PACRG: variants seen among roughly 807,000 people sequenced by gnomAD.
PACRG encodes the protein parkin coregulated, also known as parkin coregulated gene protein.
Under a neutral mutation model 29.7 loss-of-function variants are expected in PACRG, and 29 were observed. The observed-to-expected ratio is 0.98, with a 90% confidence interval of 0.73 to 1.33. The LOEUF is 1.33. Among genes scored for constraint, PACRG ranks in the 40% most tolerant of loss-of-function variants. The pLI, the probability that PACRG is intolerant of heterozygous loss-of-function variation, is 0.00. For missense variants in PACRG, 279 were observed against 316.2 expected (o/e 0.88, Z 0.89); for synonymous variants, 116 against 118.7 (o/e 0.98, Z 0.15).
At chr6:162,960,796 A>G (rs759914748) in intron 2 of PACRG, among the ~76,000 whole-genome samples, 4 of 140,332 alleles carry the variant, frequency 2.9e-5, no homozygotes, top group African/African-American at 5.1e-5. Flanking sequence ...AGACCCAGCT[A>G]GATCCAGAGA....
intron 2 of PACRG, among the ~76,000 whole-genome samples, chr6:162,851,740 TATTG>T (rs1228868063): frequency 2.6e-5 from 4 of 152,100 alleles, no homozygotes; most frequent in African/African-American, 4.8e-5. Flanking sequence ...TGAAAATTAT[TATTG>T]ATTATTATAT....
chr6:163,108,613 T>C (rs1333841645), intron 4 of PACRG, among the ~76,000 whole-genome samples: 1 of 151,928 alleles, frequency 6.6e-6, no homozygotes, highest in Non-Finnish European at 1.5e-5. Context: ...GGTCTCGAAC[T>C]CCTGGCCTCA....
intron 4 of PACRG, among the ~76,000 whole-genome samples, chr6:163,159,569 A>G (rs1460964248): frequency 6.6e-6 from 1 of 151,724 alleles, no homozygotes; most frequent in Non-Finnish European, 1.5e-5. Context: ...ATTTTTTTCT[A>G]CCTTCCTCAG....
chr6:162,994,523 G>C (rs1472508917), intron 2 of PACRG, among the ~76,000 whole-genome samples: 1 of 151,780 alleles, frequency 6.6e-6, no homozygotes, highest in Non-Finnish European at 1.5e-5. Context: ...CTTTCTTCCA[G>C]TTGATCGCAT....
At chr6:162,852,005 GAGGAAGGAAGGAAGGAAGGA>G (rs749750362) in intron 2 of PACRG, among the ~76,000 whole-genome samples, 1 of 116,032 alleles carries the variant, frequency 8.6e-6, no homozygotes, top group Admixed American at 9.2e-5. Flanking sequence ...GGGAGGGAGG[GAGGAAGGAAGGAAGGAAGGA>G]AGGAAGGAAG....
chr6:163,059,815 A>G (rs1810943136), intron 2 of PACRG, among the ~76,000 whole-genome samples: 1 of 152,236 alleles, frequency 6.6e-6, no homozygotes, highest in Admixed American at 6.5e-5. Context: ...GTCTGGCATC[A>G]CAAACATTGG....
At chr6:162,877,256 T>TA (rs1255334909) in intron 2 of PACRG, among the ~76,000 whole-genome samples, 5 of 152,006 alleles carry the variant, frequency 3.3e-5, no homozygotes, top group African/African-American at 1.2e-4. Context: ...TATGCAGCCA[T>TA]AAAAAAGAAT....
At position 163,005,662 on chromosome 6, in the gene PACRG, T is replaced by G. The variant is rs115701881; in HGVS notation, c.292-56488T>G. ...TGTAACTTGAATTATATTAAATTTA[T>G]TTGTTTACAAATGTATTTGTTTATC... On this transcript the variant is annotated intron_variant, in intron 2 of 4. Transcript: ENST00000366888. Among the ~76,000 whole-genome samples the G allele has an allele frequency of 4.2e-3, 623 of 148,970 alleles. 3 individuals are homozygous for G. Among genetic ancestry groups the G allele is most frequent in the African/African-American group, 0.015 (596 of 38,878 alleles).
chr6:162,836,479 G>A (rs1789234146), intron 2 of PACRG, among the ~76,000 whole-genome samples: 1 of 152,014 alleles, frequency 6.6e-6, no homozygotes, highest in Non-Finnish European at 1.5e-5. Context: ...TGCCTTCCAT[G>A]ATCGCTCAAG....
At chr6:163,240,771 G>A (rs1160001151) in intron 4 of PACRG, among the ~76,000 whole-genome samples, 1 of 152,196 alleles carries the variant, frequency 6.6e-6, no homozygotes, top group Non-Finnish European at 1.5e-5. Context: ...CTGCCCTGTG[G>A]AGGGAACGTG....
At chr6:163,250,102 A>G (rs116641721) in intron 4 of PACRG, among the ~76,000 whole-genome samples, 281 of 152,364 alleles carry the variant, frequency 1.8e-3, no homozygotes, top group African/African-American at 6.6e-3. Context: ...TGATCATCAC[A>G]TTGTCCATTG....
chr6:163,026,908 G>C (rs1227629802), intron 2 of PACRG, among the ~76,000 whole-genome samples: 4 of 152,194 alleles, frequency 2.6e-5, no homozygotes, highest in Non-Finnish European at 4.4e-5. Context: ...TTCTTGTCAG[G>C]GTGTCTTTTG....
chr6:163,168,638 A>T (rs748977802), intron 4 of PACRG, among the ~76,000 whole-genome samples: 21 of 152,234 alleles, frequency 1.4e-4, no homozygotes, highest in Non-Finnish European at 2.5e-4. Flanking sequence ...ACTGTATGTA[A>T]TTCATTATTA....
At chr6:162,980,426 A>C (rs1802316338) in intron 2 of PACRG, among the ~76,000 whole-genome samples, 1 of 152,126 alleles carries the variant, frequency 6.6e-6, no homozygotes, top group Non-Finnish European at 1.5e-5. Context: ...AAAAAATGTT[A>C]ATTAGGTGCT....
intron 2 of PACRG, among the ~76,000 whole-genome samples, chr6:163,031,592 T>C (rs894658327): frequency 1.3e-5 from 2 of 152,246 alleles, no homozygotes; most frequent in Non-Finnish European, 2.9e-5. Flanking sequence ...AAATTTGCTT[T>C]ATTATACTTG....
At chr6:163,138,680 A>G (rs967354785) in intron 4 of PACRG, among the ~76,000 whole-genome samples, 4 of 152,168 alleles carry the variant, frequency 2.6e-5, no homozygotes, top group Non-Finnish European at 4.4e-5. Flanking sequence ...ACCTCCTGCT[A>G]TGCAGCCTGG....
intron 1 of PACRG, among the ~76,000 whole-genome samples, chr6:162,770,415 T>A (rs1783128195): frequency 6.6e-6 from 1 of 152,152 alleles, no homozygotes; most frequent in African/African-American, 2.4e-5. Flanking sequence ...TTTTCCACAG[T>A]TCTTAACTGT....
At chr6:163,266,821 G>A (rs1307767145) in intron 4 of PACRG, among the ~76,000 whole-genome samples, 1 of 152,156 alleles carries the variant, frequency 6.6e-6, no homozygotes, top group East Asian at 1.9e-4. Flanking sequence ...CAAATGTCAG[G>A]CTCCTGCTCT....
chr6:163,312,324 A>G (rs1785454009), intron 4 of PACRG, among the ~76,000 whole-genome samples: 2 of 151,728 alleles, frequency 1.3e-5, no homozygotes, highest in African/African-American at 4.8e-5. Flanking sequence ...TCTGCTGCTG[A>G]CCTCCCCTGT....
Sources: gnomAD v4.1 joint callset for allele counts (sites outside exome capture counted in the v4.1 genomes callset) on GRCh38, gnomAD v4.1.1 for gene constraint, MANE v1.5 for transcripts, NCBI Gene and HGNC (gene_info 2026-07-23, HGNC 2026-07-21) for gene names.